The following KCNH1 variants were observed in gnomAD, a reference collection of about 807,000 sequenced individuals.
KCNH1 encodes voltage-gated delayed rectifier potassium channel KCNH1.
In KCNH1, 27 loss-of-function variants were observed where a neutral mutation model predicts 69.2. That is an observed-to-expected ratio of 0.39 (90% confidence interval 0.29 to 0.54). The LOEUF (loss-of-function observed/expected upper bound fraction) is 0.54. Ranked by LOEUF, KCNH1 falls within the 20% of genes least tolerant of loss-of-function variation. The pLI, the probability that KCNH1 is intolerant of heterozygous loss-of-function variation, is 0.68. For synonymous variants in KCNH1, 456 were observed against 487.7 expected, an observed-to-expected ratio of 0.93 and a Z score of 0.86; for missense variants, 798 against 1,261.6, an observed-to-expected ratio of 0.63 and a Z score of 5.57.
At chr1:210,818,413 C>T (rs1684861506) in intron 7 of KCNH1, among the ~76,000 whole-genome samples, 1 of 152,118 alleles carries the variant, frequency 6.6e-6, no homozygotes, top group Non-Finnish European at 1.5e-5. Context: ...TCCCTTCTAC[C>T]AAATCTACTG....
At chr1:210,894,729 C>T (rs575331497) in intron 7 of KCNH1, among the ~76,000 whole-genome samples, 1 of 152,256 alleles carries the variant, frequency 6.6e-6, no homozygotes, top group East Asian at 1.9e-4. Flanking sequence ...GCTCTCTTGC[C>T]CATTCACCAT....
chr1:210,682,838 GC>G lies in KCNH1; in HGVS notation c.*442del, dbSNP rs1252791346. 1 of 166,282 alleles carries G rather than the reference GC, an allele frequency of 6.0e-6. No homozygotes were observed. Among genetic ancestry groups the G allele is most frequent in the African/African-American group, 2.4e-5 (1 of 41,556 alleles). 10.3% of individuals were successfully genotyped at this position (166,282 alleles called of 1,614,324 possible). ...ACACGGGCTGTACAAGGACGGGGATGCCGGGAAGTCCTTGGCCCACTGCAGT... is the reference window on the plus strand; with the variant it reads ...ACACGGGCTGTACAAGGACGGGGATGCGGGAAGTCCTTGGCCCACTGCAGT... On this transcript the variant is annotated 3_prime_UTR_variant, in exon 11 of 11. Coordinates refer to ENST00000271751, the MANE Select transcript of KCNH1 (RefSeq NM_172362.3).
chr1:210,727,741 T>C (rs1040629444), intron 10 of KCNH1, among the ~76,000 whole-genome samples: 3 of 152,190 alleles, frequency 2.0e-5, no homozygotes, highest in African/African-American at 7.2e-5. Flanking sequence ...TCAGCTAACA[T>C]GCAAGAACCA....
chr1:210,894,145 T>C (rs2102526547), intron 7 of KCNH1, among the ~76,000 whole-genome samples: 1 of 152,308 alleles, frequency 6.6e-6, no homozygotes, highest in African/African-American at 2.4e-5. Flanking sequence ...TGTCAGACAT[T>C]GTGAATAGGA....
chr1:210,935,144 A>G (rs1198814267), intron 6 of KCNH1, among the ~76,000 whole-genome samples: 11 of 149,368 alleles, frequency 7.4e-5, no homozygotes, highest in Middle Eastern at 3.4e-3. Context: ...ACACACACAC[A>G]CACACACACA....
intron 6 of KCNH1, among the ~76,000 whole-genome samples, chr1:210,973,334 A>G (rs1376422611): frequency 1.3e-5 from 2 of 152,126 alleles, no homozygotes; most frequent in Admixed American, 6.6e-5. Flanking sequence ...TATCTATACT[A>G]TCTTTCGGTT....
intron 5 of KCNH1, among the ~76,000 whole-genome samples, chr1:211,055,992 C>A (rs1288217487): frequency 6.6e-6 from 1 of 152,168 alleles, no homozygotes; most frequent in East Asian, 1.9e-4. Context: ...ACATATCCAG[C>A]TGTGGTGGCT....
At chr1:211,079,342 A>G (rs564870231) in intron 5 of KCNH1, among the ~76,000 whole-genome samples, 4 of 152,334 alleles carry the variant, frequency 2.6e-5, no homozygotes, top group African/African-American at 9.6e-5. Context: ...ACCAACCAAA[A>G]AAACTCCACG....
At chr1:210,858,988 T>C (rs2102477989) in intron 7 of KCNH1, 1 of 306,562 alleles carries the variant, frequency 3.3e-6, no homozygotes, top group Non-Finnish European at 6.2e-6. Context: ...ATCCCACTGG[T>C]TTCTTTTCCA....
intron 9 of KCNH1, among the ~76,000 whole-genome samples, chr1:210,784,510 T>G (rs1244016374): frequency 6.6e-6 from 1 of 152,156 alleles, no homozygotes; most frequent in South Asian, 2.1e-4. Context: ...GGGTGTCAAG[T>G]GCTTAACCGA....
At chr1:211,031,244 A>G (rs1042291318) in intron 5 of KCNH1, among the ~76,000 whole-genome samples, 2 of 152,216 alleles carry the variant, frequency 1.3e-5, no homozygotes, top group African/African-American at 4.8e-5. Context: ...AATTGAGGCA[A>G]TAATTAATAG....
chr1:211,044,271 A>G (rs1690052657), intron 5 of KCNH1, among the ~76,000 whole-genome samples: 1 of 152,216 alleles, frequency 6.6e-6, no homozygotes, highest in Admixed American at 6.5e-5. Flanking sequence ...ATGTACACAA[A>G]TCAGTAGCTC....
chr1:210,743,717 A>G (rs977393883), intron 10 of KCNH1, among the ~76,000 whole-genome samples: 4 of 152,190 alleles, frequency 2.6e-5, no homozygotes, highest in African/African-American at 7.2e-5. Flanking sequence ...TGATCCATCT[A>G]AACTGTGAAG....
chr1:211,035,953 C>T (rs888706413), intron 5 of KCNH1, among the ~76,000 whole-genome samples: 12 of 152,206 alleles, frequency 7.9e-5, no homozygotes, highest in African/African-American at 2.9e-4. Context: ...AGACAGGTGA[C>T]AGCATTGCTC....
At chr1:210,826,978 T>G (rs2102433723) in intron 7 of KCNH1, among the ~76,000 whole-genome samples, 1 of 152,370 alleles carries the variant, frequency 6.6e-6, no homozygotes, top group Middle Eastern at 3.4e-3. Flanking sequence ...CCCTAGTTTC[T>G]TAAACCTGGA....
chr1:210,892,987 G>A (rs912667822), intron 7 of KCNH1, among the ~76,000 whole-genome samples: 2 of 152,136 alleles, frequency 1.3e-5, no homozygotes, highest in African/African-American at 2.4e-5. Context: ...CCTTGGGAGG[G>A]ATACTGATTC....
At chr1:210,896,863 A>G (rs1686880226) in intron 7 of KCNH1, among the ~76,000 whole-genome samples, 1 of 152,224 alleles carries the variant, frequency 6.6e-6, no homozygotes, top group South Asian at 2.1e-4. Context: ...GAGGTTGTGT[A>G]TGGCTGTACA....
chr1:211,070,921 C>T (rs936971213), intron 5 of KCNH1, among the ~76,000 whole-genome samples: 11 of 151,966 alleles, frequency 7.2e-5, no homozygotes, highest in African/African-American at 2.4e-5. Context: ...TTAGGGACAC[C>T]GATGCCCCCA....
At chr1:210,740,731 T>TTTTTTTTTTTTTTTTG (rs1558449289) in intron 10 of KCNH1, among the ~76,000 whole-genome samples, 11 of 119,568 alleles carry the variant, frequency 9.2e-5, no homozygotes, top group African/African-American at 3.9e-4. Flanking sequence ...TTTTTTTTTT[T>TTTTTTTTTTTTTTTTG]TACTAAAAGA....
Sources: gnomAD v4.1 joint callset for allele counts (sites outside exome capture counted in the v4.1 genomes callset) on GRCh38, gnomAD v4.1.1 for gene constraint, MANE v1.5 for transcripts, NCBI Gene and HGNC (gene_info 2026-07-23, HGNC 2026-07-21) for gene names.